The following GPR107 variants were observed in gnomAD, a reference collection of about 807,000 sequenced individuals.
GPR107 encodes the protein protein GPR107.
GPR107 carries 31 observed loss-of-function variants against 75.5 expected under a neutral mutation model. That is an observed-to-expected ratio of 0.41 (90% CI 0.31 to 0.55). GPR107 has a LOEUF of 0.55. GPR107 is among the 20% of genes least tolerant of loss of function. GPR107 has a pLI of 0.26. For synonymous variants in GPR107, 267 were observed against 251.3 expected (o/e 1.06, Z -0.59); for missense variants, 572 against 665.7 (o/e 0.86, Z 1.55).
rs918253852 is a variant in GPR107, at chr9:130,117,232, C to T, written c.1307-7683C>T. Among the ~76,000 whole-genome samples the T allele has an allele frequency of 3.3e-5, 5 of 150,224 alleles. No individual in the cohort carries two copies. In the Admixed American group the frequency reaches 3.3e-4, roughly 10 times the overall value. ...ATAGTGCTGAGATTACAGGTGTGAG[C>T]CACCATGCCTGGCCAGAAATGTATT... is the stretch of plus-strand genomic sequence containing the variant. On this transcript the variant is annotated intron_variant, in intron 14 of 17. Transcript: ENST00000347136.
chr9:130,060,134 C>T (rs1327259071), intron 1 of GPR107, among the ~76,000 whole-genome samples: 1 of 151,918 alleles, frequency 6.6e-6, no homozygotes, highest in Admixed American at 6.6e-5. Context: ...GCGATCTCGG[C>T]TCATTGCAAC....
chr9:130,080,653 G>A (rs1250839258), intron 5 of GPR107, among the ~76,000 whole-genome samples: 3 of 151,320 alleles, frequency 2.0e-5, no homozygotes, highest in Non-Finnish European at 3.0e-5. Flanking sequence ...CACCATGCCC[G>A]GCTAATTTTT....
intron 9 of GPR107, among the ~76,000 whole-genome samples, chr9:130,099,077 C>T (rs1202793987): frequency 1.3e-5 from 2 of 151,912 alleles, no homozygotes; most frequent in African/African-American, 4.8e-5. Context: ...TTTGAGAGGC[C>T]GAAGTGGGTG....
intron 17 of GPR107, among the ~76,000 whole-genome samples, chr9:130,132,798 A>G (rs981480840): frequency 3.3e-5 from 4 of 120,202 alleles, no homozygotes; most frequent in Non-Finnish European, 5.1e-5. Flanking sequence ...AAAATCAAAT[A>G]AAAAAAAAAT....
intron 1 of GPR107, among the ~76,000 whole-genome samples, chr9:130,055,379 G>A (rs1208545335): frequency 6.6e-6 from 1 of 151,950 alleles, no homozygotes; most frequent in Non-Finnish European, 1.5e-5. Context: ...TAAGGCAGGA[G>A]AATGGCGTGA....
At position 130,054,031 on chromosome 9, in the gene GPR107, G is replaced by T. The variant is rs1411706732; in HGVS notation, c.99G>T (p.Leu33=). 5 of 1,554,684 alleles carry T rather than the reference G, an allele frequency of 3.2e-6. No individual in the cohort carries two copies. Among genetic ancestry groups the T allele is most frequent in the Non-Finnish European group, 2.6e-6 (3 of 1,149,156 alleles). ...LLPMLGLLQL[L]AEPGLGRVHH... Reference sequence around the variant, plus strand: ...CAATGCTGGGTTTGCTGCAGTTGCTGGCCGAGCCTGGCCTGGGCCGCGTCC... The same window carrying T: ...CAATGCTGGGTTTGCTGCAGTTGCTTGCCGAGCCTGGCCTGGGCCGCGTCC... The change falls in exon 1 of 18, where the codon CTG becomes CTT. Residue 33 remains leucine (L), a synonymous_variant. Coordinates refer to ENST00000347136, the MANE Select transcript of GPR107 (RefSeq NM_020960.5).
chr9:130,055,699 C>G (rs1829766816), intron 1 of GPR107, among the ~76,000 whole-genome samples: 2 of 152,080 alleles, frequency 1.3e-5, no homozygotes, highest in African/African-American at 4.8e-5. Flanking sequence ...AATCCTAGCA[C>G]TTTGGGAGGC....
chr9:130,063,175 T>A (rs888534179), intron 1 of GPR107, among the ~76,000 whole-genome samples: 12 of 152,170 alleles, frequency 7.9e-5, no homozygotes, highest in Non-Finnish European at 1.8e-4. Flanking sequence ...AGCATGTGTG[T>A]ATACATAAAA....
intron 14 of GPR107, chr9:130,108,812 TAGGTTCTTTTCAGTGGCTTTAAGC>T (rs146664980): frequency 0.35 from 156,578 of 446,482 alleles, 28,889 homozygotes; most frequent in Non-Finnish European, 0.39. Flanking sequence ...CCTCTTGTGA[TAGGTTCTTTTCAGTGGCTTTAAGC>T]AGGTTCTTTT....
At chr9:130,066,847 G>A (rs2132544741) in intron 1 of GPR107, among the ~76,000 whole-genome samples, 1 of 152,286 alleles carries the variant, frequency 6.6e-6, no homozygotes, top group South Asian at 2.1e-4. Context: ...TTAGCCGGGT[G>A]TGGTGGCGGG....
At chr9:130,087,012 G>A (rs923007065) in intron 7 of GPR107, among the ~76,000 whole-genome samples, 1 of 151,960 alleles carries the variant, frequency 6.6e-6, no homozygotes, top group Admixed American at 6.6e-5. Flanking sequence ...CTTACTAGCT[G>A]GGTGTATTGG....
rs762437671 is a variant in GPR107 at position 130,076,509 on chromosome 9, G to A, written c.306+47G>A. 8.3e-6 allele frequency: 10 copies of A among 1,207,342 alleles called. No homozygotes were observed. The South Asian group carries it at 1.2e-4, about 15-fold the overall frequency. The allele number at this position is 1,207,342 out of a possible 1,614,324, so 74.8% of individuals were successfully genotyped here. ...TGATTCATCTCTTCACCTGAGCCCA[G>A]GCCATTGAACGGGAACACCCTACTT... On this transcript the variant is annotated intron_variant, in intron 3 of 17. Coordinates refer to ENST00000347136, the MANE Select transcript of GPR107 (RefSeq NM_020960.5).
At chr9:130,057,947 A>C (rs547309356) in intron 1 of GPR107, among the ~76,000 whole-genome samples, 1 of 151,588 alleles carries the variant, frequency 6.6e-6, no homozygotes, top group South Asian at 2.1e-4. Context: ...TCCTGCCTCA[A>C]CCTCCCAAGT....
rs140871924 is a variant in GPR107 at position 130,128,759 on chromosome 9, C to A, written c.1560C>A (p.Ser520=). 6.2e-7 allele frequency: 1 copy of A among 1,613,620 alleles called. No individual in the cohort carries two copies. The highest frequency in any genetic ancestry group is 8.5e-7 in the Non-Finnish European group (1 of 1,179,532). The change falls in exon 17 of 18, where the codon TCC becomes TCA. Residue 520 remains serine, a splice_region_variant and synonymous_variant. Coordinates refer to ENST00000347136, the MANE Select transcript of GPR107 (RefSeq NM_020960.5). ...AAGAAGAAGACTTGGAAATGGAGTC[C>A]GTGTAAGAAATCTTTCTTCCCTCTT... The part of the protein sequence containing the change: ...SQEEEDLEME[S]VVTTSGVMES...
intron 1 of GPR107, among the ~76,000 whole-genome samples, chr9:130,067,121 A>G (rs995054722): frequency 6.6e-5 from 10 of 152,184 alleles, no homozygotes; most frequent in African/African-American, 2.4e-4. Context: ...GTCCTTTTAA[A>G]TCTTTCTTCC....
rs1199165645 is a variant in GPR107 at position 130,062,660 on chromosome 9, G to GCCTTCCTT, written c.141+8622_141+8629dup. ...TGCCTGCCTGCCTGCCTGCCTGCCT[G>GCCTTCCTT]CCTTCCTTCCTTCCTTCCTTCCTTC... On this transcript the variant is annotated intron_variant, in intron 1 of 17. Transcript: ENST00000347136. Among the ~76,000 whole-genome samples the GCCTTCCTT allele has an allele frequency of 1.3e-4, 9 of 69,118 alleles. No individual in the cohort carries two copies. In the East Asian group the frequency reaches 2.1e-3, roughly 16 times the overall value. 45.3% of individuals were successfully genotyped at this position (69,118 alleles called of 152,430 possible).
At chr9:130,106,596 AAAAT>A (rs34201601) in intron 13 of GPR107, among the ~76,000 whole-genome samples, 3 of 131,388 alleles carry the variant, frequency 2.3e-5, no homozygotes, top group Non-Finnish European at 3.1e-5. Flanking sequence ...ACTCTGTCTC[AAAAT>A]AAATAAATAA....
chr9:130,112,907 G>A lies in GPR107; in HGVS notation c.1306+5368G>A, dbSNP rs1021873820. 2.6e-5 allele frequency among the ~76,000 whole-genome samples: 4 copies of A among 151,914 alleles called. No homozygotes were observed. The highest frequency in any genetic ancestry group is 5.9e-5 in the Non-Finnish European group (4 of 67,984). ...TAGGACTACAGGCGTGTGCTGCTAT[G>A]CCTGGCTAATTTTTGTATTTTTTGT... On this transcript the variant is annotated intron_variant, in intron 14 of 17. Transcript: ENST00000347136. This position sits in a 1 kb window ranked among gnomAD's most constrained non-coding sequence, Gnocchi z 4.0.
chr9:130,099,579 C>A, intron 10 of GPR107, 47 bp downstream of exon 10: 1 of 1,043,730 alleles, frequency 9.6e-7, no homozygotes, highest in Non-Finnish European at 1.5e-6. Context: ...ACGTATAATG[C>A]CTGTGTGAGC....
Sources: allele counts gnomAD v4.1 joint callset (sites outside exome capture counted in the v4.1 genomes callset), GRCh38; gene constraint gnomAD v4.1.1; non-coding constraint Gnocchi (gnomAD v3.1); transcripts MANE v1.5; gene names NCBI Gene and HGNC (gene_info 2026-07-23, HGNC 2026-07-21).